PLPPR1: variants seen among roughly 807,000 people sequenced by gnomAD.
PLPPR1 encodes phospholipid phosphatase related 1, also known as phospholipid phosphatase-related protein type 1.
A neutral mutation model predicts 33.1 loss-of-function variants in PLPPR1; 10 were observed. The observed-to-expected ratio is 0.30, with a 90% CI of 0.19 to 0.51. The LOEUF is 0.51. PLPPR1 is among the 20% of genes least tolerant of loss of function. The probability of loss-of-function intolerance (pLI) is 0.97; values close to 1 mark genes in which losing one functional copy is unlikely to be tolerated. For missense variants in PLPPR1, 304 were observed against 408.1 expected (o/e 0.74, Z 2.20); for synonymous variants, 151 against 151.0 (o/e 1.00, Z 0.00).
intron 7 of PLPPR1, among the ~76,000 whole-genome samples, chr9:101,322,151 T>C (rs2118974418): frequency 7.7e-6 from 1 of 129,176 alleles, no homozygotes; most frequent in Non-Finnish European, 1.5e-5. Flanking sequence ...TGAGCCGAGA[T>C]TGTACCTTTG....
In PLPPR1 at chr9:101,269,945, G is replaced by C. The variant is rs1485859210; in HGVS notation, c.129G>C (p.Val43=). The C allele has an allele frequency of 6.2e-7, 1 of 1,614,060 alleles. No individual in the cohort carries two copies. The highest frequency in any genetic ancestry group is 1.3e-5 in the African/African-American group (1 of 74,920). ...TCGAATGCACTGACACTTTTCAGGT[G>C]CATATCCAAGGATTCTTCTGTCAGG... ...YYFECTDTFQ[V]HIQGFFCQDG... The change falls in exon 3 of 8, where the codon GTG becomes GTC. Residue 43 remains valine, a synonymous_variant. Coordinates refer to ENST00000374874, the MANE Select transcript of PLPPR1 (RefSeq NM_207299.2).
intron 2 of PLPPR1, among the ~76,000 whole-genome samples, chr9:101,239,123 G>T (rs1827398173): frequency 6.6e-6 from 1 of 151,244 alleles, no homozygotes; most frequent in Admixed American, 6.6e-5. Flanking sequence ...GCATTTATTT[G>T]TTGGTGGACA....
At chr9:101,051,824 A>T (rs553140882) in intron 1 of PLPPR1, among the ~76,000 whole-genome samples, 2 of 152,282 alleles carry the variant, frequency 1.3e-5, no homozygotes, top group South Asian at 2.1e-4. Context: ...ATTGGTGATA[A>T]CCTCTATTTA....
intron 2 of PLPPR1, among the ~76,000 whole-genome samples, chr9:101,268,461 C>A (rs966962877): frequency 6.6e-6 from 1 of 152,020 alleles, no homozygotes; most frequent in Non-Finnish European, 1.5e-5. Context: ...GATGAGGATG[C>A]CAAAAATTGC....
In PLPPR1 at chr9:101,098,143, A is replaced by G. The variant is rs570910485; in HGVS notation, c.-46+69041A>G. 3.3e-5 allele frequency among the ~76,000 whole-genome samples: 5 copies of G among 152,248 alleles called. No individual in the cohort carries two copies. In the East Asian group the frequency reaches 9.7e-4, roughly 29 times the overall value. On this transcript the variant is annotated intron_variant, in intron 1 of 7. Coordinates refer to ENST00000374874, the MANE Select transcript of PLPPR1 (RefSeq NM_207299.2). ...ACTCTGGAGGCCGAGTGGAAGATAG[A>G]TTGGAAATGTAGCAGGAAATCTACT... is the stretch of plus-strand genomic sequence containing the variant.
At chr9:101,080,538 A>AAAAC in intron 1 of PLPPR1, among the ~76,000 whole-genome samples, 1 of 152,262 alleles carries the variant, frequency 6.6e-6, no homozygotes, top group East Asian at 1.9e-4. Flanking sequence ...AAAATAAACA[A>AAAAC]AAACAAACAA....
At chr9:101,185,146 A>G (rs1826182931) in intron 1 of PLPPR1, 1 of 223,324 alleles carries the variant, frequency 4.5e-6, no homozygotes, top group Non-Finnish European at 8.6e-6. Flanking sequence ...GCATTAGGGC[A>G]GTCTACTGGG....
intron 1 of PLPPR1, among the ~76,000 whole-genome samples, chr9:101,047,093 C>T (rs965565308): frequency 1.3e-5 from 2 of 152,092 alleles, no homozygotes; most frequent in African/African-American, 2.4e-5. Flanking sequence ...CAATAGGGTT[C>T]GCACTCCTAT....
At chr9:101,225,855 T>G (rs1827056603) in intron 2 of PLPPR1, among the ~76,000 whole-genome samples, 1 of 151,872 alleles carries the variant, frequency 6.6e-6, no homozygotes, top group South Asian at 2.1e-4. Flanking sequence ...CTTTCCTATT[T>G]TACCAAACCA....
At chr9:101,242,402 T>A (rs1034913979) in intron 2 of PLPPR1, among the ~76,000 whole-genome samples, 5 of 152,034 alleles carry the variant, frequency 3.3e-5, no homozygotes, top group African/African-American at 1.2e-4. Flanking sequence ...AACTTTGATC[T>A]TCCATCTTTG....
intron 2 of PLPPR1, among the ~76,000 whole-genome samples, chr9:101,254,090 G>A (rs1588096776): frequency 6.6e-6 from 1 of 152,002 alleles, no homozygotes; most frequent in South Asian, 2.1e-4. Flanking sequence ...GTGGAAGACA[G>A]TTTTTCCATG....
At chr9:101,260,050 G>A (rs940961995) in intron 2 of PLPPR1, among the ~76,000 whole-genome samples, 3 of 151,946 alleles carry the variant, frequency 2.0e-5, no homozygotes, top group Non-Finnish European at 4.4e-5. Context: ...AGTGATTTTG[G>A]GGTCCCAAGA....
chr9:101,271,035 T>C (rs944440527), intron 3 of PLPPR1, among the ~76,000 whole-genome samples: 10 of 152,126 alleles, frequency 6.6e-5, no homozygotes, highest in African/African-American at 2.4e-4. Flanking sequence ...AGATGAGAAA[T>C]GGAATAGAAT....
chr9:101,092,482 T>C (rs1287484713), intron 1 of PLPPR1, among the ~76,000 whole-genome samples: 1 of 152,116 alleles, frequency 6.6e-6, no homozygotes, highest in Non-Finnish European at 1.5e-5. Flanking sequence ...ATCACCATAG[T>C]TTAAATCCTT....
At chr9:101,303,081 C>T (rs1315171598) in intron 4 of PLPPR1, among the ~76,000 whole-genome samples, 2 of 147,420 alleles carry the variant, frequency 1.4e-5, no homozygotes, top group South Asian at 2.2e-4. Flanking sequence ...CCGCCTCCCA[C>T]GTTCAAGCGA....
intron 1 of PLPPR1, among the ~76,000 whole-genome samples, chr9:101,087,762 T>C (rs1830696206): frequency 6.6e-6 from 1 of 152,216 alleles, no homozygotes; most frequent in African/African-American, 2.4e-5. Context: ...AATTAACCCA[T>C]TCAGTGTTGC....
intron 6 of PLPPR1, among the ~76,000 whole-genome samples, chr9:101,313,190 G>C (rs1828991577): frequency 6.6e-6 from 1 of 152,200 alleles, no homozygotes; most frequent in African/African-American, 2.4e-5. Context: ...CTGGGTGGCA[G>C]GGAGAGAATT....
At chr9:101,196,856 C>T (rs1826405169) in intron 2 of PLPPR1, among the ~76,000 whole-genome samples, 1 of 149,992 alleles carries the variant, frequency 6.7e-6, no homozygotes, top group South Asian at 2.1e-4. Flanking sequence ...CAGAGCAAGA[C>T]TCTGTCTCAA....
intron 1 of PLPPR1, among the ~76,000 whole-genome samples, chr9:101,062,933 T>A (rs1304599264): frequency 1.3e-5 from 2 of 152,014 alleles, no homozygotes; most frequent in African/African-American, 2.4e-5. Flanking sequence ...GAGTCTTAGG[T>A]CATGCTCAAA....
Sources: gnomAD v4.1 joint callset for allele counts (sites outside exome capture counted in the v4.1 genomes callset) on GRCh38, gnomAD v4.1.1 for gene constraint, MANE v1.5 for transcripts, NCBI Gene and HGNC (gene_info 2026-07-23, HGNC 2026-07-21) for gene names.